Variants in DNMT1 observed in about 807,000 individuals in gnomAD.
DNMT1 encodes DNA (cytosine-5)-methyltransferase 1.
In DNMT1, 24 loss-of-function variants were observed where a neutral mutation model predicts 205.3. The observed-to-expected ratio is 0.12, with a 90% confidence interval of 0.08 to 0.16. The LOEUF is 0.16. Among genes scored for constraint, DNMT1 ranks in the 10% least tolerant of loss-of-function variants. The pLI is 1.00. For missense variants in DNMT1, 1,293 were observed against 2,177.7 expected (o/e 0.59, Z 8.09); for synonymous variants, 817 against 839.8 (o/e 0.97, Z 0.47).
rs1001939580 is a variant in DNMT1 at position 10,146,761 on chromosome 19, C to A, written c.2721-237G>T. Among the ~76,000 whole-genome samples, 2 of 152,112 alleles carry A rather than the reference C, an allele frequency of 1.3e-5. No homozygotes were observed. Among genetic ancestry groups the A allele is most frequent in the Non-Finnish European group, 2.9e-5 (2 of 68,024 alleles). ...TCAGGCAACTTTTGAGTCATTGAGACAAAAACCCTAAGATATCAATGAACA... is the reference window on the plus strand; with the variant it reads ...TCAGGCAACTTTTGAGTCATTGAGAAAAAAACCCTAAGATATCAATGAACA... On this transcript the variant is annotated intron_variant, in intron 27 of 40. Coordinates refer to ENST00000359526, the MANE Select transcript of DNMT1 (RefSeq NM_001130823.3). This position sits in a 1 kb window ranked among gnomAD's most constrained non-coding sequence, Gnocchi z 4.4.
intron 1 of DNMT1, among the ~76,000 whole-genome samples, chr19:10,190,651 G>T (rs945536742): frequency 4.6e-5 from 7 of 151,998 alleles, no homozygotes; most frequent in African/African-American, 1.7e-4. Flanking sequence ...TGTAATCCCA[G>T]CTACTCAGGA....
At chr19:10,190,777 A>G (rs2039284960) in intron 1 of DNMT1, among the ~76,000 whole-genome samples, 1 of 95,382 alleles carries the variant, frequency 1.0e-5, no homozygotes, top group African/African-American at 3.4e-5. Context: ...AAATAAAATA[A>G]AATAAAATAA....
Position 10,188,071 on chromosome 19 carries a change from A to G in DNMT1, c.81-5994T>C, listed in dbSNP as rs142289746. Reference sequence around the variant, plus strand: ...GCAGGAGGATCACTAGAGCCCAGTGAGCTATAATTGTGCCGCTGCATTCCA... The same window carrying G: ...GCAGGAGGATCACTAGAGCCCAGTGGGCTATAATTGTGCCGCTGCATTCCA... On this transcript the variant is annotated intron_variant, in intron 1 of 40. Transcript: ENST00000359526. Among the ~76,000 whole-genome samples, 420 of 152,318 alleles carry G rather than the reference A, an allele frequency of 2.8e-3. 1 individual carries two copies. Among genetic ancestry groups the G allele is most frequent in the African/African-American group, 9.6e-3 (399 of 41,572 alleles).
intron 13 of DNMT1, 108 bp downstream of exon 13, chr19:10,162,559 C>G: frequency 8.2e-7 from 1 of 1,217,812 alleles, no homozygotes; most frequent in Admixed American, 2.3e-5. Context: ...CGTGCGCCAC[C>G]ACGCCCAGTC....
intron 13 of DNMT1, among the ~76,000 whole-genome samples, chr19:10,162,176 T>C (rs2038582932): frequency 6.6e-6 from 1 of 150,688 alleles, no homozygotes. Context: ...TCTTGCTCTG[T>C]TGTCCAGGCA....
rs1289118396 is a variant in DNMT1, at chr19:10,156,618, C to CT, written c.1281-110dup. The CT allele has an allele frequency of 2.4e-6, 2 of 822,482 alleles. No homozygotes were observed. The highest frequency in any genetic ancestry group is 4.2e-6 in the Non-Finnish European group (2 of 479,114). The allele number at this position is 822,482 out of a possible 1,614,324, so 50.9% of individuals were successfully genotyped here. A position where few individuals can be genotyped will look rare whatever the true frequency, so the allele number is the denominator to read the frequency against. ...TGAGAGAATGTACAAGTCTGACACT[C>CT]TTTTTTTGTTTGTTTTTGAGACAGA... On this transcript the variant is annotated intron_variant, in intron 17 of 40. Transcript: ENST00000359526. The surrounding 1 kb of genome is among the most constrained non-coding windows in gnomAD (Gnocchi z 4.2).
rs536625568 is a variant in DNMT1 at position 10,133,951 on chromosome 19, G to C, written c.4865-250C>G. Among the ~76,000 whole-genome samples the C allele has an allele frequency of 6.6e-6, 1 of 152,216 alleles. No individual in the cohort carries two copies. Among genetic ancestry groups the C allele is most frequent in the East Asian group, 1.9e-4 (1 of 5,194 alleles). On this transcript the variant is annotated intron_variant, in intron 40 of 40. Transcript: ENST00000359526. The surrounding 1 kb of genome is among the most constrained non-coding windows in gnomAD (Gnocchi z 4.1). Reference sequence around the variant, plus strand: ...AGGTGCCTGCTGAGCCAAATTCACCGAGCAGGAGTGAGGGAAACGGCCCCA... The same window carrying C: ...AGGTGCCTGCTGAGCCAAATTCACCCAGCAGGAGTGAGGGAAACGGCCCCA...
In DNMT1 at chr19:10,159,784, T is replaced by A; in HGVS notation, c.1171-17A>T. 1 of 1,614,150 alleles carries A rather than the reference T, an allele frequency of 6.2e-7. No homozygotes were observed. The highest frequency in any genetic ancestry group is 8.5e-7 in the Non-Finnish European group (1 of 1,180,014). ...CTCATCCACCTGAAGGACACGGGGCTGGTGAGCAGTGGGACAAGGGACAGG... is the reference window on the plus strand; with the variant it reads ...CTCATCCACCTGAAGGACACGGGGCAGGTGAGCAGTGGGACAAGGGACAGG... On this transcript the variant is annotated splice_polypyrimidine_tract_variant and intron_variant, in intron 16 of 40. Coordinates refer to ENST00000359526, the MANE Select transcript of DNMT1 (RefSeq NM_001130823.3). This position sits in a 1 kb window ranked among gnomAD's most constrained non-coding sequence, Gnocchi z 5.0.
At position 10,156,537 on chromosome 19, in the gene DNMT1, C is replaced by A. The variant is rs1287858913; in HGVS notation, c.1281-28G>T. The stretch of plus-strand genomic sequence containing the variant: ...AGACAGGAAACAAAGCACATGCTTA[C>A]CAGCTAAGCCGTGAAGGCGGGTCTT... On this transcript the variant is annotated intron_variant, in intron 17 of 40. Coordinates refer to ENST00000359526, the MANE Select transcript of DNMT1 (RefSeq NM_001130823.3). The surrounding 1 kb of genome is among the most constrained non-coding windows in gnomAD (Gnocchi z 4.2). The A allele has an allele frequency of 6.4e-7, 1 of 1,571,846 alleles. No individual in the cohort carries two copies. The highest frequency in any genetic ancestry group is 8.8e-7 in the Non-Finnish European group (1 of 1,142,406).
chr19:10,182,489 GTATATA>G (rs576761729), intron 1 of DNMT1, among the ~76,000 whole-genome samples: 18 of 130,194 alleles, frequency 1.4e-4, no homozygotes, highest in Admixed American at 4.1e-4. Flanking sequence ...ATATATATGT[GTATATA>G]TATGTGTGTA....
chr19:10,177,479 T>C, intron 5 of DNMT1, 112 bp from the exon 6 acceptor site: 1 of 1,023,210 alleles, frequency 9.8e-7, no homozygotes. Flanking sequence ...AGCCAGGTTC[T>C]AAGGACTAAG....
At chr19:10,160,697 C>A (rs549459490) in intron 13 of DNMT1, among the ~76,000 whole-genome samples, 1 of 151,540 alleles carries the variant, frequency 6.6e-6, no homozygotes, top group African/African-American at 2.4e-5. Context: ...GAGTTCCAGA[C>A]CAGCCTGGCC....
chr19:10,169,386 C>CA (rs61170762), intron 9 of DNMT1, among the ~76,000 whole-genome samples: 35,655 of 81,000 alleles, frequency 0.44, 6,937 homozygotes, highest in East Asian at 0.6. Flanking sequence ...ACTAAAAATA[C>CA]AAAAAAAAAA....
chr19:10,160,820 G>A (rs1183018217), intron 13 of DNMT1, among the ~76,000 whole-genome samples: 1 of 152,230 alleles, frequency 6.6e-6, no homozygotes, highest in East Asian at 1.9e-4. Context: ...CCGAGACGTA[G>A]AGGTTGCAGT....
chr19:10,170,199 C>T (rs779690849), intron 9 of DNMT1, among the ~76,000 whole-genome samples: 4 of 151,576 alleles, frequency 2.6e-5, no homozygotes, highest in African/African-American at 2.4e-5. Flanking sequence ...GCAGGAGAAT[C>T]GCTGGAACCC....
Position 10,140,394 on chromosome 19 carries a change from G to A in DNMT1, c.3524-66C>T. 1 of 1,566,036 alleles carries A rather than the reference G, an allele frequency of 6.4e-7. No individual in the cohort carries two copies. The highest frequency in any genetic ancestry group is 1.8e-5 in the Admixed American group (1 of 55,824). ...AAGATTTTTTTTTTTTTTTGAGATG[G>A]AGTCTCGCTCTGTCACCCAGGCTGG... On this transcript the variant is annotated intron_variant, in intron 32 of 40. Transcript: ENST00000359526. This position sits in a 1 kb window ranked among gnomAD's most constrained non-coding sequence, Gnocchi z 8.4.
chr19:10,166,038 G>A lies in DNMT1; in HGVS notation c.891+560C>T, dbSNP rs568116810. 4.6e-5 allele frequency among the ~76,000 whole-genome samples: 7 copies of A among 152,130 alleles called. 1 individual carries two copies. Among genetic ancestry groups the A allele is most frequent in the Admixed American group, 3.9e-4 (6 of 15,272 alleles). ...TTCGGCATCTCTTAGATAGGGACCC[G>A]CCGCCCCCCACCGATGACCTAGCTC... On this transcript the variant is annotated intron_variant, in intron 11 of 40. Coordinates refer to ENST00000359526, the MANE Select transcript of DNMT1 (RefSeq NM_001130823.3).
rs940355619 is a variant in DNMT1, at chr19:10,133,969, C to T, written c.4864+248G>A. On this transcript the variant is annotated intron_variant, in intron 40 of 40. Coordinates refer to ENST00000359526, the MANE Select transcript of DNMT1 (RefSeq NM_001130823.3). This position sits in a 1 kb window ranked among gnomAD's most constrained non-coding sequence, Gnocchi z 4.1. Reference sequence around the variant, plus strand: ...ATTCACCGAGCAGGAGTGAGGGAAACGGCCCCAGGGCCAGCCCAGCAGCCA... The same window carrying T: ...ATTCACCGAGCAGGAGTGAGGGAAATGGCCCCAGGGCCAGCCCAGCAGCCA... Among the ~76,000 whole-genome samples, 7 of 152,226 alleles carry T rather than the reference C, an allele frequency of 4.6e-5. No homozygotes were observed. The highest frequency in any genetic ancestry group is 2.0e-4 in the Admixed American group (3 of 15,280).
intron 1 of DNMT1, chr19:10,194,529 G>A (rs999932243): frequency 1.9e-5 from 6 of 315,296 alleles, no homozygotes; most frequent in Non-Finnish European, 2.4e-5. Context: ...CCCCGGAAAC[G>A]AACCCAAAGC....
Sources: allele counts gnomAD v4.1 joint callset (sites outside exome capture counted in the v4.1 genomes callset), GRCh38; gene constraint gnomAD v4.1.1; non-coding constraint Gnocchi (gnomAD v3.1); transcripts MANE v1.5; gene names NCBI Gene and HGNC (gene_info 2026-07-23, HGNC 2026-07-21).